Variants in NREP observed in about 807,000 individuals in gnomAD.
NREP encodes the protein neuronal regeneration-related protein.
Under a neutral mutation model 8.6 loss-of-function variants are expected in NREP, and 5 were observed. That is an observed-to-expected ratio of 0.58 (90% CI 0.30 to 1.22). The LOEUF (loss-of-function observed/expected upper bound fraction) is 1.22. Among genes scored for constraint, NREP ranks in the 50% most tolerant of loss-of-function variants. The pLI is 0.07. For synonymous variants in NREP, 27 were observed against 28.0 expected, an observed-to-expected ratio of 0.96 and a Z score of 0.11; for missense variants, 86 against 82.5, an observed-to-expected ratio of 1.04 and a Z score of -0.17.
At chr5:111,866,532 C>CTT (rs1753668165) in intron 2 of NREP, among the ~76,000 whole-genome samples, 1 of 151,890 alleles carries the variant, frequency 6.6e-6, no homozygotes, top group African/African-American at 2.4e-5. Flanking sequence ...AAGAGGAACA[C>CTT]TTACACTGTT....
chr5:111,732,000 A>G (rs1581021115), intron 3 of NREP: 1 of 152,180 alleles, frequency 6.6e-6, no homozygotes, highest in East Asian at 1.9e-4. Flanking sequence ...AGATTTGACG[A>G]TGGTCTCTCT....
intron 3 of NREP, chr5:111,733,143 A>G (rs1748754628): frequency 1.3e-5 from 2 of 152,206 alleles, no homozygotes; most frequent in African/African-American, 4.8e-5. Flanking sequence ...CAGATAATAT[A>G]CATTTCTTCA....
At chr5:111,825,758 C>T (rs932687803) in intron 2 of NREP, among the ~76,000 whole-genome samples, 1 of 152,138 alleles carries the variant, frequency 6.6e-6, no homozygotes, top group African/African-American at 2.4e-5. Flanking sequence ...TATCTACCAT[C>T]ACAGTGGTTC....
intron 2 of NREP, among the ~76,000 whole-genome samples, chr5:111,876,995 T>C (rs1467980365): frequency 2.0e-5 from 3 of 152,214 alleles, no homozygotes; most frequent in Non-Finnish European, 2.9e-5. Context: ...TCTCATTCTC[T>C]AATAATAAAA....
intron 2 of NREP, among the ~76,000 whole-genome samples, chr5:111,920,578 G>T (rs1337358375): frequency 6.6e-6 from 1 of 152,112 alleles, no homozygotes; most frequent in Non-Finnish European, 1.5e-5. Flanking sequence ...AATCTCTGAA[G>T]CAGTGAGGGG....
intron 2 of NREP, among the ~76,000 whole-genome samples, chr5:111,915,563 C>G (rs1006606803): frequency 1.3e-5 from 2 of 152,066 alleles, no homozygotes; most frequent in Non-Finnish European, 2.9e-5. Context: ...AATCCTTCCC[C>G]TCTTCTCTTC....
chr5:111,800,454 T>C (rs1751978741), intron 2 of NREP, among the ~76,000 whole-genome samples: 1 of 152,248 alleles, frequency 6.6e-6, no homozygotes, highest in Non-Finnish European at 1.5e-5. Flanking sequence ...GCTCTGCTGT[T>C]GCTTTCTTGA....
At chr5:111,812,218 TG>T (rs1413157503) in intron 2 of NREP, among the ~76,000 whole-genome samples, 2 of 151,822 alleles carry the variant, frequency 1.3e-5, no homozygotes, top group African/African-American at 4.8e-5. Flanking sequence ...GCCTGGGAGG[TG>T]GAGGTTGCGG....
intron 2 of NREP, among the ~76,000 whole-genome samples, chr5:111,963,267 C>A (rs1460389638): frequency 6.6e-6 from 1 of 152,214 alleles, no homozygotes; most frequent in Non-Finnish European, 1.5e-5. Flanking sequence ...TCACGTACTC[C>A]CTCACACAAG....
chr5:111,814,137 G>C (rs1003167682), intron 2 of NREP, among the ~76,000 whole-genome samples: 2 of 151,988 alleles, frequency 1.3e-5, no homozygotes, highest in Non-Finnish European at 2.9e-5. Context: ...GCTGAAGGCA[G>C]GTAGTTATGC....
At chr5:111,846,850 T>G (rs959372582) in intron 2 of NREP, among the ~76,000 whole-genome samples, 3 of 152,226 alleles carry the variant, frequency 2.0e-5, no homozygotes, top group Admixed American at 6.5e-5. Flanking sequence ...TAGCTATTTG[T>G]ACATAATTTA....
intron 2 of NREP, among the ~76,000 whole-genome samples, chr5:111,946,208 T>A (rs1348586405): frequency 6.6e-6 from 1 of 151,706 alleles, no homozygotes; most frequent in Admixed American, 6.6e-5. Context: ...TTAATTCAAT[T>A]TTATTTTTGC....
intron 2 of NREP, among the ~76,000 whole-genome samples, chr5:111,877,454 CA>C (rs1753937011): frequency 1.3e-5 from 2 of 152,132 alleles, no homozygotes; most frequent in South Asian, 2.1e-4. Flanking sequence ...TAAGGATCTT[CA>C]AAAAATAGAG....
intron 2 of NREP, among the ~76,000 whole-genome samples, chr5:111,839,566 C>T (rs1752974803): frequency 1.3e-5 from 2 of 151,956 alleles, no homozygotes; most frequent in African/African-American, 4.8e-5. Flanking sequence ...CTTTCCTTTC[C>T]TGTCATTAAA....
At chr5:111,744,937 A>T (rs1181137864) in intron 2 of NREP, among the ~76,000 whole-genome samples, 1 of 152,108 alleles carries the variant, frequency 6.6e-6, no homozygotes, top group African/African-American at 2.4e-5. Context: ...TCCATTGTAA[A>T]CCAAACACCA....
chr5:111,845,359 C>T (rs76485131), intron 2 of NREP, among the ~76,000 whole-genome samples: 1,880 of 151,502 alleles, frequency 0.012, 91 homozygotes, highest in Admixed American at 0.091. Context: ...AAAGTATGTT[C>T]GTGCATAAAT....
chr5:111,851,486 A>G (rs1162931482), intron 2 of NREP, among the ~76,000 whole-genome samples: 1 of 152,118 alleles, frequency 6.6e-6, no homozygotes, highest in Non-Finnish European at 1.5e-5. Context: ...ATAAAGAGAG[A>G]AAGAGAGAGA....
At position 111,834,604 on chromosome 5, in the gene NREP, T is replaced by A. The variant is rs145762707; in HGVS notation, c.136-99097A>T. On this transcript the variant is annotated intron_variant, in intron 2 of 3. Coordinates refer to the NREP transcript ENST00000395634. ...CCTCTTTGGGTACTTTTAAAACTTA[T>A]GCAGATAATTAGCAGAATGTAATTG... Among the ~76,000 whole-genome samples, 135 of 152,314 alleles carry A rather than the reference T, an allele frequency of 8.9e-4. 3 individuals are homozygous for A. The East Asian group carries it at 0.02, about 23-fold the overall frequency.
chr5:111,873,413 A>T (rs1753833555), intron 2 of NREP, among the ~76,000 whole-genome samples: 1 of 152,172 alleles, frequency 6.6e-6, no homozygotes. Context: ...TCCACAAGCC[A>T]TGTTCCTCTC....
Sources: gnomAD v4.1 joint callset for allele counts (sites outside exome capture counted in the v4.1 genomes callset) on GRCh38, gnomAD v4.1.1 for gene constraint, MANE v1.5 for transcripts, NCBI Gene and HGNC (gene_info 2026-07-23, HGNC 2026-07-21) for gene names.